The following APLP2 variants were observed in gnomAD, a reference collection of about 807,000 sequenced individuals.
The protein encoded by APLP2 is CDEI box-binding protein.
Under a neutral mutation model 89.9 loss-of-function variants are expected in APLP2, and 53 were observed. The ratio of observed to expected loss-of-function variants is 0.59; its 90% confidence interval spans 0.47 to 0.74. The LOEUF is 0.74. APLP2 is among the 30% of genes least tolerant of loss of function. The pLI, the probability that APLP2 is intolerant of heterozygous loss-of-function variation, is 0.00. For missense variants in APLP2, 973 were observed against 975.9 expected, an observed-to-expected ratio of 1.00 and a Z score of 0.04; for synonymous variants, 372 against 348.6, an observed-to-expected ratio of 1.07 and a Z score of -0.75.
intron 2 of APLP2, among the ~76,000 whole-genome samples, chr11:130,110,096 A>G (rs1410975344): frequency 6.6e-6 from 1 of 152,156 alleles, no homozygotes; most frequent in African/African-American, 2.4e-5. Flanking sequence ...CCAGCCTCCC[A>G]AAGTGCTGGG....
rs2135986799 is a variant in APLP2, at chr11:130,125,496, C to T, written c.1091-1204C>T. 2.0e-5 allele frequency among the ~76,000 whole-genome samples: 3 copies of T among 152,284 alleles called. No homozygotes were observed. The South Asian group carries it at 6.2e-4, about 32-fold the overall frequency. On this transcript the variant is annotated intron_variant, in intron 7 of 16. Transcript: ENST00000338167. ...AGTTAATCTGAAAGTGGGATATTGA[C>T]ACCCTTTTAAAACTTATGTAGGGCT...
intron 16 of APLP2, among the ~76,000 whole-genome samples, chr11:130,143,085 T>G (rs1030910999): frequency 2.6e-5 from 4 of 152,192 alleles, no homozygotes; most frequent in Admixed American, 1.3e-4. Context: ...GTCACCACGG[T>G]GCTAGGAAAT....
chr11:130,139,121 C>T (rs371679644), intron 13 of APLP2: 1 of 152,194 alleles, frequency 6.6e-6, no homozygotes, highest in Non-Finnish European at 1.5e-5. Flanking sequence ...CACTTTGAGA[C>T]AAAAGCTAGC....
At chr11:130,091,516 G>C (rs1439252059) in intron 1 of APLP2, among the ~76,000 whole-genome samples, 16 of 132,780 alleles carry the variant, frequency 1.2e-4, no homozygotes, top group Admixed American at 2.8e-4. Context: ...CCTCCCTCCC[G>C]GACAGGGCGG....
rs755122715 is a variant in APLP2 at position 130,121,608 on chromosome 11, T to G, written c.517-6T>G. 1.2e-5 allele frequency: 20 copies of G among 1,611,398 alleles called. No homozygotes were observed. The South Asian group carries it at 2.1e-4, about 17-fold the overall frequency. On this transcript the variant is annotated splice_polypyrimidine_tract_variant and splice_region_variant and intron_variant, in intron 4 of 16. Transcript: ENST00000338167. ...TGTTCTGATGTGGCCTGTGGGTTTCTTTTAGGCATGTCTGACTCAGGGAAT... is the reference window on the plus strand; with the variant it reads ...TGTTCTGATGTGGCCTGTGGGTTTCGTTTAGGCATGTCTGACTCAGGGAAT...
intron 3 of APLP2, among the ~76,000 whole-genome samples, chr11:130,117,902 G>A (rs779109059): frequency 6.6e-5 from 10 of 151,890 alleles, no homozygotes; most frequent in African/African-American, 1.7e-4. Flanking sequence ...GTGAAAACCC[G>A]TCTCTCTACT....
At chr11:130,083,880 T>C (rs142963747) in intron 1 of APLP2, among the ~76,000 whole-genome samples, 1 of 152,204 alleles carries the variant, frequency 6.6e-6, no homozygotes, top group Non-Finnish European at 1.5e-5. Context: ...TAATTCTACT[T>C]TTAATTTTTT....
At chr11:130,071,571 A>G (rs1438191413) in intron 1 of APLP2, among the ~76,000 whole-genome samples, 1 of 152,218 alleles carries the variant, frequency 6.6e-6, no homozygotes, top group Non-Finnish European at 1.5e-5. Context: ...GTCAGAAACC[A>G]TCGTTCACAC....
At chr11:130,072,496 A>G (rs1436984979) in intron 1 of APLP2, among the ~76,000 whole-genome samples, 1 of 64,900 alleles carries the variant, frequency 1.5e-5, no homozygotes, top group African/African-American at 8.0e-5. Context: ...TTTTTTTTTG[A>G]TACGGAGTCT....
At chr11:130,108,564 T>A (rs931537253) in intron 1 of APLP2, 4 of 152,186 alleles carry the variant, frequency 2.6e-5, no homozygotes, top group Non-Finnish European at 5.9e-5. Context: ...CAACAGGTGC[T>A]GGAGAGGATG....
chr11:130,089,881 A>G (rs1046086589), intron 1 of APLP2, among the ~76,000 whole-genome samples: 2 of 152,212 alleles, frequency 1.3e-5, no homozygotes, highest in African/African-American at 2.4e-5. Context: ...GTCATATTGG[A>G]TTAAGGGCCC....
At chr11:130,102,295 G>A (rs371659021) in intron 1 of APLP2, among the ~76,000 whole-genome samples, 1 of 152,168 alleles carries the variant, frequency 6.6e-6, no homozygotes, top group East Asian at 1.9e-4. Flanking sequence ...TTGAACAAGA[G>A]CGTCGTACCT....
rs1952683533 is a variant in APLP2 at position 130,143,687 on chromosome 11, A to G, written c.*239A>G. ...AAACCTTAAATGAAAAAAATGATCT[A>G]TTGCAGATATTTGATGTAGTTTTCT... On this transcript the variant is annotated 3_prime_UTR_variant, in exon 17 of 17. Coordinates refer to ENST00000338167, the MANE Select transcript of APLP2 (RefSeq NM_001142276.2). The G allele has an allele frequency of 4.9e-6, 2 of 410,874 alleles. No homozygotes were observed. The highest frequency in any genetic ancestry group is 4.4e-6 in the Non-Finnish European group (1 of 226,832). The allele number at this position is 410,874 out of a possible 1,614,324, so 25.5% of individuals were successfully genotyped here.
chr11:130,073,571 G>A (rs932661438), intron 1 of APLP2, among the ~76,000 whole-genome samples: 7 of 152,158 alleles, frequency 4.6e-5, no homozygotes, highest in Non-Finnish European at 8.8e-5. Context: ...CACCAGGCGC[G>A]GTGGCTCACG....
chr11:130,140,373 TC>T, intron 13 of APLP2, 24 bp from the exon 14 acceptor site: 1 of 1,575,644 alleles, frequency 6.3e-7, no homozygotes, highest in Non-Finnish European at 8.6e-7. Context: ...CCTTGGGAAC[TC>T]AGCCATGATC....
At chr11:130,080,118 C>T (rs1435025231) in intron 1 of APLP2, among the ~76,000 whole-genome samples, 1 of 152,112 alleles carries the variant, frequency 6.6e-6, no homozygotes, top group Non-Finnish European at 1.5e-5. Flanking sequence ...GTGAGTTTGA[C>T]CTGTAATTTT....
chr11:130,109,646 C>G (rs755540183), intron 2 of APLP2, 44 bp downstream of exon 2: 21 of 1,573,992 alleles, frequency 1.3e-5, no homozygotes, highest in Non-Finnish European at 1.8e-5. Flanking sequence ...TTTTCTGGGG[C>G]AGGGTTGAAT....
At chr11:130,139,701 G>A (rs1221638359) in intron 13 of APLP2, 1 of 152,218 alleles carries the variant, frequency 6.6e-6, no homozygotes, top group Non-Finnish European at 1.5e-5. Flanking sequence ...AGAGAAAGGT[G>A]CCTTCCATGC....
At chr11:130,105,796 C>T (rs936374483) in intron 1 of APLP2, among the ~76,000 whole-genome samples, 2 of 151,536 alleles carry the variant, frequency 1.3e-5, no homozygotes, top group Admixed American at 6.6e-5. Context: ...ATCTGCCTCC[C>T]GGGTCCAGGC....
Sources: allele counts gnomAD v4.1 joint callset (sites outside exome capture counted in the v4.1 genomes callset), GRCh38; gene constraint gnomAD v4.1.1; transcripts MANE v1.5; gene names NCBI Gene and HGNC (gene_info 2026-07-23, HGNC 2026-07-21).